Variants in HS3ST3A1 observed in about 807,000 individuals in gnomAD.
HS3ST3A1 encodes heparan sulfate-glucosamine 3-sulfotransferase 3A1.
Under a neutral mutation model 25.7 loss-of-function variants are expected in HS3ST3A1, and 19 were observed. The observed-to-expected ratio is 0.74, with a 90% CI of 0.52 to 1.08. HS3ST3A1 has a LOEUF of 1.08. Ranked by LOEUF, HS3ST3A1 falls within the 50% of genes least tolerant of loss-of-function variation. HS3ST3A1 has a pLI of 0.00. For missense variants in HS3ST3A1, 459 were observed against 594.3 expected, an observed-to-expected ratio of 0.77 and a Z score of 2.37; for synonymous variants, 226 against 278.6, an observed-to-expected ratio of 0.81 and a Z score of 1.88.
intron 1 of HS3ST3A1, among the ~76,000 whole-genome samples, chr17:13,503,982 T>C (rs1905574729): frequency 6.6e-6 from 1 of 152,170 alleles, no homozygotes; most frequent in Non-Finnish European, 1.5e-5. Context: ...CGTAGACACA[T>C]ACTGAGATCT....
chr17:13,519,146 T>C (rs987140705), intron 1 of HS3ST3A1, among the ~76,000 whole-genome samples: 6 of 152,326 alleles, frequency 3.9e-5, no homozygotes, highest in African/African-American at 7.2e-5. Context: ...CTCTAAGAAA[T>C]TGAATTGCTG....
intron 1 of HS3ST3A1, among the ~76,000 whole-genome samples, chr17:13,551,625 A>AGGG (rs753574251): frequency 1.2e-3 from 126 of 105,584 alleles, no homozygotes; most frequent in African/African-American, 2.2e-3. Flanking sequence ...GAAAAAAAAA[A>AGGG]GGGGGGGGGG....
chr17:13,508,627 C>T (rs1905763592), intron 1 of HS3ST3A1, among the ~76,000 whole-genome samples: 1 of 152,194 alleles, frequency 6.6e-6, no homozygotes, highest in Non-Finnish European at 1.5e-5. Flanking sequence ...CTCATGTATT[C>T]ATAAGATGTA....
intron 1 of HS3ST3A1, among the ~76,000 whole-genome samples, chr17:13,551,212 G>A (rs1158797621): frequency 6.6e-6 from 1 of 151,640 alleles, no homozygotes; most frequent in African/African-American, 2.4e-5. Flanking sequence ...AGGTGGGCGT[G>A]GTTGTGTGTG....
At chr17:13,556,632 T>C (rs1907384355) in intron 1 of HS3ST3A1, among the ~76,000 whole-genome samples, 1 of 151,686 alleles carries the variant, frequency 6.6e-6, no homozygotes, top group Non-Finnish European at 1.5e-5. Flanking sequence ...GTCAGGCGGA[T>C]CACGAGGTCA....
At chr17:13,528,012 A>G (rs536195492) in intron 1 of HS3ST3A1, among the ~76,000 whole-genome samples, 23 of 152,286 alleles carry the variant, frequency 1.5e-4, no homozygotes, top group South Asian at 4.1e-4. Flanking sequence ...AGGAATAAGC[A>G]GTGCCTCCTG....
chr17:13,581,685 C>A (rs1433456748), intron 1 of HS3ST3A1, among the ~76,000 whole-genome samples: 1 of 152,040 alleles, frequency 6.6e-6, no homozygotes, highest in Non-Finnish European at 1.5e-5. Context: ...TATGTTATAT[C>A]AATGTTTTGA....
intron 1 of HS3ST3A1, among the ~76,000 whole-genome samples, chr17:13,570,569 T>G (rs114464112): frequency 0.012 from 1,862 of 152,262 alleles, 43 homozygotes; most frequent in African/African-American, 0.043. Flanking sequence ...AGCCTCAACC[T>G]CCTAGGCTCA....
chr17:13,579,970 A>G (rs977134621), intron 1 of HS3ST3A1, among the ~76,000 whole-genome samples: 2 of 150,842 alleles, frequency 1.3e-5, no homozygotes. Context: ...AAAAAAAGAA[A>G]AAAGAAATTA....
intron 1 of HS3ST3A1, among the ~76,000 whole-genome samples, chr17:13,552,142 C>T (rs980184156): frequency 6.6e-6 from 1 of 152,238 alleles, no homozygotes; most frequent in South Asian, 2.1e-4. Context: ...TGCAGTGGCA[C>T]GATCTTGGCT....
chr17:13,581,487 A>T (rs530619194), intron 1 of HS3ST3A1, among the ~76,000 whole-genome samples: 1 of 151,260 alleles, frequency 6.6e-6, no homozygotes, highest in African/African-American at 2.4e-5. Context: ...AAAAAAACGT[A>T]GAAACTTCCT....
chr17:13,504,501 T>C (rs1905591960), intron 1 of HS3ST3A1, among the ~76,000 whole-genome samples: 1 of 152,108 alleles, frequency 6.6e-6, no homozygotes. Flanking sequence ...GAAGAGGGCA[T>C]GAGAGGGGCT....
chr17:13,576,303 C>T (rs59397373), intron 1 of HS3ST3A1, among the ~76,000 whole-genome samples: 41,612 of 152,152 alleles, frequency 0.27, 6,525 homozygotes, highest in South Asian at 0.44. Context: ...GAGCTGCAGA[C>T]ATATGGATGC....
At chr17:13,575,572 G>A (rs1390380943) in intron 1 of HS3ST3A1, among the ~76,000 whole-genome samples, 1 of 152,158 alleles carries the variant, frequency 6.6e-6, no homozygotes, top group African/African-American at 2.4e-5. Flanking sequence ...GTCAATCAAA[G>A]ATTTTAGCTC....
At chr17:13,515,298 A>G (rs1057223180) in intron 1 of HS3ST3A1, among the ~76,000 whole-genome samples, 2 of 152,020 alleles carry the variant, frequency 1.3e-5, no homozygotes, top group Non-Finnish European at 2.9e-5. Flanking sequence ...TAGCTGGCAT[A>G]ACAGGCATGT....
At chr17:13,544,566 G>A (rs1907030815) in intron 1 of HS3ST3A1, among the ~76,000 whole-genome samples, 1 of 152,132 alleles carries the variant, frequency 6.6e-6, no homozygotes, top group African/African-American at 2.4e-5. Context: ...TCTTTGTGTG[G>A]ATATCTGGCT....
In HS3ST3A1 at chr17:13,503,264, C is replaced by T. The variant is rs561989397; in HGVS notation, c.600-6446G>A. On this transcript the variant is annotated intron_variant, in intron 1 of 1. Coordinates refer to ENST00000284110, the MANE Select transcript of HS3ST3A1 (RefSeq NM_006042.3). ...GCATAGAAGAAAAACAGGCAAAAAGCTGGAATTAGCACTTTTGAAGGAAGT... is the reference window on the plus strand; with the variant it reads ...GCATAGAAGAAAAACAGGCAAAAAGTTGGAATTAGCACTTTTGAAGGAAGT... Among the ~76,000 whole-genome samples the T allele has an allele frequency of 4.8e-4, 73 of 151,010 alleles. No individual in the cohort carries two copies. The South Asian group carries it at 0.015, about 31-fold the overall frequency.
intron 1 of HS3ST3A1, among the ~76,000 whole-genome samples, chr17:13,591,661 C>CTTTTTTTTTTTTTTTTTTTTTT (rs34995100): frequency 7.0e-6 from 1 of 142,264 alleles, no homozygotes; most frequent in Non-Finnish European, 1.5e-5. Context: ...TTTTCTTCTT[C>CTTTTTTTTTTTTTTTTTTTTTT]TTTTTTTTTT....
At chr17:13,530,490 G>C (rs1009711127) in intron 1 of HS3ST3A1, among the ~76,000 whole-genome samples, 2 of 152,174 alleles carry the variant, frequency 1.3e-5, no homozygotes, top group Non-Finnish European at 2.9e-5. Context: ...AGGAGGTGTG[G>C]AGAGACTTGA....
Sources: gnomAD v4.1 joint callset for allele counts (sites outside exome capture counted in the v4.1 genomes callset) on GRCh38, gnomAD v4.1.1 for gene constraint, MANE v1.5 for transcripts, NCBI Gene and HGNC (gene_info 2026-07-23, HGNC 2026-07-21) for gene names.